The following TNIK variants were observed in gnomAD, a reference collection of about 807,000 sequenced individuals.
The protein encoded by TNIK is TRAF2 and NCK interacting kinase, also known as TRAF2 and NCK-interacting protein kinase.
TNIK carries 49 observed loss-of-function variants against 191.3 expected under a neutral mutation model. That is an observed-to-expected ratio of 0.26 (90% CI 0.20 to 0.32). The LOEUF is 0.32. TNIK is among the 10% of genes least tolerant of loss of function. TNIK has a pLI of 1.00. For synonymous variants in TNIK, 594 were observed against 600.9 expected (o/e 0.99, Z 0.17); for missense variants, 1,155 against 1,702.3 (o/e 0.68, Z 5.66).
intron 1 of TNIK, among the ~76,000 whole-genome samples, chr3:171,423,279 T>C (rs995749715): frequency 1.5e-4 from 23 of 152,026 alleles, no homozygotes; most frequent in Admixed American, 3.3e-4. Context: ...TTACAAGGGA[T>C]GTGAAGGACC....
At chr3:171,102,337 TGAA>T (rs1034516841) in intron 21 of TNIK, among the ~76,000 whole-genome samples, 11 of 152,292 alleles carry the variant, frequency 7.2e-5, no homozygotes, top group African/African-American at 2.6e-4. Flanking sequence ...GAAATCCTGG[TGAA>T]GAACACTAAA....
chr3:171,152,797 A>G (rs1377196197), intron 12 of TNIK, among the ~76,000 whole-genome samples: 2 of 146,618 alleles, frequency 1.4e-5, no homozygotes, highest in African/African-American at 2.5e-5. Context: ...TTTGAGACGG[A>G]GTCTTGCTCT....
chr3:171,317,080 A>G (rs1754718630), intron 2 of TNIK, among the ~76,000 whole-genome samples: 1 of 151,414 alleles, frequency 6.6e-6, no homozygotes, highest in African/African-American at 2.4e-5. Flanking sequence ...CTTAAATAGG[A>G]TAATATCACA....
intron 24 of TNIK, 142 bp from the exon 25 acceptor site, chr3:171,085,371 C>G: frequency 1.6e-6 from 1 of 640,248 alleles, no homozygotes; most frequent in Non-Finnish European, 2.4e-6. Context: ...CTAGTCAGTG[C>G]GTGCCTGTCT....
intron 1 of TNIK, among the ~76,000 whole-genome samples, chr3:171,423,887 A>G (rs1724179640): frequency 6.6e-6 from 1 of 152,232 alleles, no homozygotes; most frequent in South Asian, 2.1e-4. Context: ...ACCCTAGAAT[A>G]AAACCTAGGC....
At chr3:171,313,199 AT>A (rs756996242) in intron 2 of TNIK, among the ~76,000 whole-genome samples, 2 of 152,044 alleles carry the variant, frequency 1.3e-5, no homozygotes, top group Non-Finnish European at 2.9e-5. Context: ...TTTAAAGTGT[AT>A]CTTTGTTATT....
chr3:171,222,570 A>T (rs1742488273), intron 3 of TNIK, among the ~76,000 whole-genome samples: 1 of 152,296 alleles, frequency 6.6e-6, no homozygotes, highest in Admixed American at 6.5e-5. Flanking sequence ...ATGTACTTGG[A>T]ACAATGTGTC....
At chr3:171,424,386 G>A (rs558664283) in intron 1 of TNIK, among the ~76,000 whole-genome samples, 8 of 152,294 alleles carry the variant, frequency 5.3e-5, no homozygotes, top group African/African-American at 1.9e-4. Flanking sequence ...CTGTTGGTGG[G>A]ACTATAAACT....
At chr3:171,452,419 A>C (rs929876979) in intron 1 of TNIK, among the ~76,000 whole-genome samples, 2 of 152,048 alleles carry the variant, frequency 1.3e-5, no homozygotes, top group African/African-American at 4.8e-5. Context: ...AATTGCTGGA[A>C]GTCACCTCCA....
At chr3:171,401,547 T>C (rs1475737996) in intron 1 of TNIK, among the ~76,000 whole-genome samples, 2 of 151,734 alleles carry the variant, frequency 1.3e-5, no homozygotes, top group Admixed American at 1.3e-4. Flanking sequence ...GGTCAAGAAG[T>C]AGAGGGCTTA....
chr3:171,151,878 GCTA>G (rs920482297), intron 12 of TNIK, among the ~76,000 whole-genome samples: 1 of 152,210 alleles, frequency 6.6e-6, no homozygotes, highest in Admixed American at 6.5e-5. Context: ...TTTGGAAGAA[GCTA>G]CTAAGGTTCC....
chr3:171,182,227 A>G (rs1736753941), intron 7 of TNIK, among the ~76,000 whole-genome samples: 1 of 109,196 alleles, frequency 9.2e-6, no homozygotes, highest in Admixed American at 1.3e-4. Flanking sequence ...CAAAAGGAAC[A>G]TTTATATTCC....
intron 21 of TNIK, 150 bp downstream of exon 21, chr3:171,107,033 C>G (rs1725009298): frequency 3.9e-6 from 3 of 761,714 alleles, no homozygotes; most frequent in Non-Finnish European, 6.4e-6. Context: ...AAGTTGGCTT[C>G]CATTTGAAGG....
chr3:171,406,269 C>T (rs1022069948), intron 1 of TNIK, among the ~76,000 whole-genome samples: 4 of 152,170 alleles, frequency 2.6e-5, no homozygotes, highest in Non-Finnish European at 1.5e-5. Flanking sequence ...TCTACTGCCT[C>T]CCTAGATGAT....
chr3:171,128,662 G>GT, intron 16 of TNIK, 52 bp downstream of exon 16: 1 of 1,554,928 alleles, frequency 6.4e-7, no homozygotes, highest in South Asian at 1.3e-5. Context: ...TTAATAATAG[G>GT]TTTTCTTGTG....
intron 1 of TNIK, among the ~76,000 whole-genome samples, chr3:171,437,581 G>C (rs1390313672): frequency 4.6e-5 from 7 of 152,210 alleles, no homozygotes; most frequent in Admixed American, 4.6e-4. Flanking sequence ...AGCCTCTGAA[G>C]AACAGCTCAT....
intron 9 of TNIK, among the ~76,000 whole-genome samples, chr3:171,173,884 C>T (rs1735648776): frequency 6.6e-6 from 1 of 152,046 alleles, no homozygotes. Flanking sequence ...AGAACTGCGC[C>T]AGTCCCTCTC....
intron 1 of TNIK, among the ~76,000 whole-genome samples, chr3:171,399,861 C>A (rs1337232593): frequency 6.6e-6 from 1 of 152,086 alleles, no homozygotes; most frequent in East Asian, 1.9e-4. Flanking sequence ...TTTTCTGTAG[C>A]AAGTATGCTT....
chr3:171,336,837 C>G (rs6444981), intron 2 of TNIK, among the ~76,000 whole-genome samples: 129,568 of 152,200 alleles, frequency 0.85, 55,312 homozygotes, highest in East Asian at 1. Context: ...AGTAGGGTTA[C>G]TGCTCTAATG....
Sources: gnomAD v4.1 joint callset for allele counts (sites outside exome capture counted in the v4.1 genomes callset) on GRCh38, gnomAD v4.1.1 for gene constraint, MANE v1.5 for transcripts, NCBI Gene and HGNC (gene_info 2026-07-23, HGNC 2026-07-21) for gene names.